SLC9A9: variants seen among roughly 807,000 people sequenced by gnomAD.
SLC9A9 encodes the protein sodium/hydrogen exchanger 9.
SLC9A9 carries 62 observed loss-of-function variants against 77.8 expected under a neutral mutation model. That is an observed-to-expected ratio of 0.80 (90% confidence interval 0.65 to 0.98). The LOEUF is 0.98. Ranked by LOEUF, SLC9A9 falls within the 50% of genes least tolerant of loss-of-function variation. SLC9A9 has a pLI of 0.00. For synonymous variants in SLC9A9, 320 were observed against 283.5 expected (o/e 1.13, Z -1.29); for missense variants, 775 against 774.9 (o/e 1.00, Z 0.00).
rs146399696 is a variant in SLC9A9, at chr3:143,380,549, G to A, written c.1524+1511C>T. Among the ~76,000 whole-genome samples, 406 of 152,286 alleles carry A rather than the reference G, an allele frequency of 2.7e-3. 1 individual carries two copies. The highest frequency in any genetic ancestry group is 0.017 in the Admixed American group (261 of 15,298). On this transcript the variant is annotated intron_variant, in intron 13 of 15. Transcript: ENST00000316549. ...AAATCAGCCACCACCAGACATTACT[G>A]ACTATTCATTATAGCCCACCAGTGT...
At chr3:143,395,890 C>G (rs1174396282) in intron 12 of SLC9A9, among the ~76,000 whole-genome samples, 1 of 152,148 alleles carries the variant, frequency 6.6e-6, no homozygotes, top group South Asian at 2.1e-4. Context: ...AAATCAAAAC[C>G]ACAATGAGAT....
intron 4 of SLC9A9, among the ~76,000 whole-genome samples, chr3:143,747,872 C>G (rs1576699354): frequency 6.6e-6 from 1 of 152,200 alleles, no homozygotes; most frequent in South Asian, 2.1e-4. Flanking sequence ...TATAGACCTC[C>G]TTAGGAACTT....
intron 4 of SLC9A9, among the ~76,000 whole-genome samples, chr3:143,743,311 T>G (rs1296030037): frequency 6.6e-6 from 1 of 151,570 alleles, no homozygotes; most frequent in East Asian, 1.9e-4. Flanking sequence ...AGATAGATGA[T>G]AGATAGATGA....
intron 8 of SLC9A9, among the ~76,000 whole-genome samples, chr3:143,554,406 C>T (rs2036942784): frequency 6.6e-6 from 1 of 152,144 alleles, no homozygotes; most frequent in Non-Finnish European, 1.5e-5. Flanking sequence ...TGGGACCACC[C>T]TAAGTGCACC....
intron 6 of SLC9A9, among the ~76,000 whole-genome samples, chr3:143,604,629 T>G (rs920486018): frequency 6.6e-6 from 1 of 152,130 alleles, no homozygotes; most frequent in Non-Finnish European, 1.5e-5. Flanking sequence ...GGTGGAAGTA[T>G]ATAAAGTGCA....
chr3:143,814,509 G>A (rs1400367072), intron 2 of SLC9A9, among the ~76,000 whole-genome samples: 2 of 152,126 alleles, frequency 1.3e-5, no homozygotes, highest in Non-Finnish European at 2.9e-5. Flanking sequence ...AGAGGTGGAG[G>A]ATGAGAAGGA....
At chr3:143,331,802 CAT>C (rs1264124585) in intron 14 of SLC9A9, among the ~76,000 whole-genome samples, 1 of 152,050 alleles carries the variant, frequency 6.6e-6, no homozygotes, top group Non-Finnish European at 1.5e-5. Flanking sequence ...AGCACGTAAA[CAT>C]AGAGTAAATT....
At chr3:143,652,778 TACACACAC>T (rs369670861) in intron 5 of SLC9A9, among the ~76,000 whole-genome samples, 21 of 82,378 alleles carry the variant, frequency 2.5e-4, no homozygotes, top group Admixed American at 1.3e-3. Flanking sequence ...ATTCCTTAAA[TACACACAC>T]ACACACACAC....
chr3:143,519,244 G>T (rs1278043686), intron 9 of SLC9A9, among the ~76,000 whole-genome samples: 2 of 152,210 alleles, frequency 1.3e-5, no homozygotes, highest in African/African-American at 2.4e-5. Flanking sequence ...TGAGGTAGGT[G>T]TTGAAATTTT....
chr3:143,302,519 T>C (rs572706129), intron 14 of SLC9A9, among the ~76,000 whole-genome samples: 1 of 151,980 alleles, frequency 6.6e-6, no homozygotes, highest in East Asian at 1.9e-4. Flanking sequence ...GAGTCCTGAA[T>C]GAGGTTTGTG....
intron 5 of SLC9A9, among the ~76,000 whole-genome samples, chr3:143,662,356 A>G (rs1243730527): frequency 6.6e-6 from 1 of 152,250 alleles, no homozygotes; most frequent in East Asian, 1.9e-4. Flanking sequence ...CCGAATAGGA[A>G]TGGCTCCAGT....
At chr3:143,339,894 C>T (rs2032045105) in intron 14 of SLC9A9, among the ~76,000 whole-genome samples, 1 of 152,014 alleles carries the variant, frequency 6.6e-6, no homozygotes, top group Non-Finnish European at 1.5e-5. Flanking sequence ...ATGCTACTGC[C>T]CGAATGATGG....
chr3:143,811,786 C>T (rs764958779), intron 2 of SLC9A9: 24 of 448,368 alleles, frequency 5.4e-5, no homozygotes, highest in South Asian at 2.7e-4. Flanking sequence ...CGCATGAACC[C>T]GGGAGGCAGA....
At chr3:143,463,334 C>A (rs955864179) in intron 12 of SLC9A9, among the ~76,000 whole-genome samples, 3 of 152,166 alleles carry the variant, frequency 2.0e-5, no homozygotes, top group Admixed American at 1.3e-4. Flanking sequence ...TGGCTCCATG[C>A]GGTGCTCTAC....
At chr3:143,394,248 T>C (rs2033643479) in intron 12 of SLC9A9, among the ~76,000 whole-genome samples, 3 of 152,176 alleles carry the variant, frequency 2.0e-5, no homozygotes, top group Admixed American at 1.3e-4. Flanking sequence ...AAAAAGCTTA[T>C]CCACCATGAT....
At chr3:143,767,589 T>C (rs1223133736) in intron 4 of SLC9A9, among the ~76,000 whole-genome samples, 1 of 152,158 alleles carries the variant, frequency 6.6e-6, no homozygotes. Flanking sequence ...ATAGACTCCT[T>C]GGTTTCTATT....
chr3:143,701,413 C>T (rs1156401868), intron 4 of SLC9A9, among the ~76,000 whole-genome samples: 2 of 151,824 alleles, frequency 1.3e-5, no homozygotes, highest in African/African-American at 4.8e-5. Flanking sequence ...CAAGATAACA[C>T]AGAAAAAGAA....
At chr3:143,467,727 A>AAGAG (rs111531862) in intron 11 of SLC9A9, among the ~76,000 whole-genome samples, 2,743 of 144,786 alleles carry the variant, frequency 0.019, 35 homozygotes, top group South Asian at 0.045. Flanking sequence ...CCTGGCTCTA[A>AAGAG]AGAGAGAGAG....
At chr3:143,474,483 G>A (rs547728163) in intron 11 of SLC9A9, among the ~76,000 whole-genome samples, 4 of 152,164 alleles carry the variant, frequency 2.6e-5, no homozygotes, top group Middle Eastern at 3.4e-3. Context: ...GACCACTGAT[G>A]ATAGCACGGC....
Sources: allele counts gnomAD v4.1 joint callset (sites outside exome capture counted in the v4.1 genomes callset), GRCh38; gene constraint gnomAD v4.1.1; transcripts MANE v1.5; gene names NCBI Gene and HGNC (gene_info 2026-07-23, HGNC 2026-07-21).